The following ROBO1 variants were observed in gnomAD, a reference collection of about 807,000 sequenced individuals.
ROBO1 encodes the protein roundabout homolog 1.
A neutral mutation model predicts 195.9 loss-of-function variants in ROBO1; 149 were observed. The observed-to-expected ratio is 0.76, with a 90% CI of 0.67 to 0.87. The LOEUF (loss-of-function observed/expected upper bound fraction) is 0.87, where lower values mean the gene tolerates loss of function less well. Ranked by LOEUF, ROBO1 falls within the 40% of genes least tolerant of loss-of-function variation. The pLI is 0.00. For missense variants in ROBO1, 1,933 were observed against 2,068.3 expected, an observed-to-expected ratio of 0.93 and a Z score of 1.27; for synonymous variants, 816 against 733.2, an observed-to-expected ratio of 1.11 and a Z score of -1.82.
chr3:79,698,329 A>G (rs1947506166), intron 1 of ROBO1, among the ~76,000 whole-genome samples: 1 of 151,448 alleles, frequency 6.6e-6, no homozygotes, highest in Non-Finnish European at 1.5e-5. Context: ...TATTTTTCTC[A>G]TGTGCTCATT....
At chr3:79,044,151 A>G (rs2078544236) in intron 3 of ROBO1, among the ~76,000 whole-genome samples, 1 of 152,016 alleles carries the variant, frequency 6.6e-6, no homozygotes. Flanking sequence ...ATCGCAAAAA[A>G]AAATCTCATC....
rs147610150 is a variant in ROBO1, at chr3:79,284,560, G to C, written c.89-159021C>G. Among the ~76,000 whole-genome samples the C allele has an allele frequency of 3.9e-5, 6 of 152,010 alleles. No homozygotes were observed. In the East Asian group the frequency reaches 1.2e-3, roughly 29 times the overall value. On this transcript the variant is annotated intron_variant, in intron 2 of 30. Transcript: ENST00000464233. ...TGTATCTTTATAGTCAAAATACTTC[G>C]TAGTATACAATATAAACTTATGTCT...
At chr3:78,910,821 A>G (rs115549707) in intron 4 of ROBO1, among the ~76,000 whole-genome samples, 3,481 of 152,066 alleles carry the variant, frequency 0.023, 60 homozygotes, top group Non-Finnish European at 0.039. Flanking sequence ...GCAATGTTAA[A>G]GTATATTTTC....
chr3:79,294,225 A>G (rs2032445786), intron 2 of ROBO1, among the ~76,000 whole-genome samples: 1 of 152,184 alleles, frequency 6.6e-6, no homozygotes, highest in South Asian at 2.1e-4. Flanking sequence ...TAACCAAAAC[A>G]GCATGGTATT....
intron 1 of ROBO1, among the ~76,000 whole-genome samples, chr3:79,650,427 A>G (rs1423323664): frequency 6.6e-6 from 1 of 151,794 alleles, no homozygotes; most frequent in Non-Finnish European, 1.5e-5. Context: ...GTAATTCTTT[A>G]AAAAGGTATT....
chr3:79,586,305 C>A (rs73849626), intron 2 of ROBO1, among the ~76,000 whole-genome samples: 2,168 of 151,748 alleles, frequency 0.014, 29 homozygotes, highest in Middle Eastern at 0.037. Context: ...TGATTCAGAC[C>A]CAGTTAACAG....
rs567488913 is a variant in ROBO1, at chr3:78,936,759, C to G, written c.499+1842G>C. On this transcript the variant is annotated intron_variant, in intron 4 of 30. Coordinates refer to ENST00000464233, the MANE Select transcript of ROBO1 (RefSeq NM_002941.4). ...TTTGTATATACAGCAGTCCTGTAACCAATCGCCCATGAATCCTGAGGGAGG... is the reference window on the plus strand; with the variant it reads ...TTTGTATATACAGCAGTCCTGTAACGAATCGCCCATGAATCCTGAGGGAGG... Among the ~76,000 whole-genome samples the G allele has an allele frequency of 2.2e-4, 34 of 152,068 alleles. No individual in the cohort carries two copies. In the South Asian group the frequency reaches 5.0e-3, roughly 22 times the overall value.
intron 3 of ROBO1, among the ~76,000 whole-genome samples, chr3:79,024,850 A>G (rs75936295): frequency 0.011 from 1,609 of 152,246 alleles, 32 homozygotes; most frequent in African/African-American, 0.037. Context: ...GGAGCAATGC[A>G]GTATTCCTTA....
At chr3:79,642,034 T>G (rs1945680017) in intron 1 of ROBO1, among the ~76,000 whole-genome samples, 1 of 152,102 alleles carries the variant, frequency 6.6e-6, no homozygotes, top group Admixed American at 6.6e-5. Flanking sequence ...GTTTTTTGTT[T>G]TTTTAAAAAA....
intron 3 of ROBO1, among the ~76,000 whole-genome samples, chr3:78,957,177 A>C (rs1371004182): frequency 6.6e-6 from 1 of 151,964 alleles, no homozygotes; most frequent in Non-Finnish European, 1.5e-5. Flanking sequence ...TTTTTTGGGA[A>C]AATATGGAGA....
chr3:78,982,839 G>C (rs1023075730), intron 3 of ROBO1, among the ~76,000 whole-genome samples: 2 of 152,006 alleles, frequency 1.3e-5, no homozygotes, highest in African/African-American at 4.8e-5. Flanking sequence ...GGCTGGTCTC[G>C]AACTCCTGAC....
chr3:78,860,326 A>T (rs367860688), intron 4 of ROBO1, among the ~76,000 whole-genome samples: 4,920 of 93,514 alleles, frequency 0.053, 165 homozygotes, highest in Middle Eastern at 0.12. Context: ...ATATATATAT[A>T]TTTTTTTTTT....
intron 2 of ROBO1, among the ~76,000 whole-genome samples, chr3:79,253,983 T>C (rs1451762322): frequency 6.6e-6 from 1 of 152,154 alleles, no homozygotes; most frequent in Admixed American, 6.5e-5. Context: ...TAGTGTGCCT[T>C]GTTAGGAGCA....
intron 1 of ROBO1, among the ~76,000 whole-genome samples, chr3:79,712,612 T>C (rs575121546): frequency 5.9e-5 from 9 of 152,222 alleles, no homozygotes; most frequent in Non-Finnish European, 1.3e-4. Flanking sequence ...ATCCAGAAGA[T>C]ATAGGTAAGA....
chr3:79,436,875 T>A (rs2038907288), intron 2 of ROBO1, among the ~76,000 whole-genome samples: 1 of 152,042 alleles, frequency 6.6e-6, no homozygotes, highest in Non-Finnish European at 1.5e-5. Flanking sequence ...TAAAAATTCA[T>A]CCCACGCCCC....
chr3:79,230,041 A>T (rs2082293126), intron 2 of ROBO1, among the ~76,000 whole-genome samples: 1 of 152,112 alleles, frequency 6.6e-6, no homozygotes, highest in Non-Finnish European at 1.5e-5. Flanking sequence ...TTGCATAGTC[A>T]CCATTATTTC....
intron 3 of ROBO1, among the ~76,000 whole-genome samples, chr3:78,978,180 T>C (rs879102182): frequency 6.6e-6 from 1 of 152,026 alleles, no homozygotes; most frequent in Admixed American, 6.6e-5. Flanking sequence ...AAATGACCTA[T>C]TGGTTCACAG....
chr3:79,188,569 C>G (rs957535936), intron 2 of ROBO1, among the ~76,000 whole-genome samples: 2 of 151,598 alleles, frequency 1.3e-5, no homozygotes. Flanking sequence ...CACACATATA[C>G]GTCGTCTTTC....
intron 1 of ROBO1, among the ~76,000 whole-genome samples, chr3:79,724,796 C>A (rs966673775): frequency 2.0e-5 from 3 of 152,136 alleles, no homozygotes; most frequent in Non-Finnish European, 4.4e-5. Context: ...GTGTTTTAAG[C>A]CACAAAGTTT....
Sources: gnomAD v4.1 joint callset for allele counts (sites outside exome capture counted in the v4.1 genomes callset) on GRCh38, gnomAD v4.1.1 for gene constraint, MANE v1.5 for transcripts, NCBI Gene and HGNC (gene_info 2026-07-23, HGNC 2026-07-21) for gene names.